The following WASHC2C variants were observed in gnomAD, a reference collection of about 807,000 sequenced individuals.
WASHC2C encodes Vaccinia Penetration Factor.
A neutral mutation model predicts 142.2 loss-of-function variants in WASHC2C; 73 were observed. The ratio of observed to expected loss-of-function variants is 0.51; its 90% CI spans 0.43 to 0.62. The LOEUF is 0.62. Among genes scored for constraint, WASHC2C ranks in the 20% least tolerant of loss-of-function variants. WASHC2C has a pLI of 0.00. For synonymous variants in WASHC2C, 337 were observed against 565.5 expected, an observed-to-expected ratio of 0.60 and a Z score of 5.73; for missense variants, 969 against 1,531.7, an observed-to-expected ratio of 0.63 and a Z score of 6.13.
rs1237390796 is a variant in WASHC2C, at chr10:45,759,383, A to G, written c.1617A>G (p.Ser539=). 21 of 1,495,572 alleles carry G rather than the reference A, an allele frequency of 1.4e-5. 1 individual carries two copies. The highest frequency in any genetic ancestry group is 1.9e-5 in the Non-Finnish European group (21 of 1,117,950). 92.6% of individuals were successfully genotyped at this position (1,495,572 alleles called of 1,614,324 possible). A position where few individuals can be genotyped will look rare whatever the true frequency, so the allele number is the denominator to read the frequency against. The change falls in exon 17 of 31, where the codon TCA becomes TCG. Residue 539 remains serine (S), a synonymous_variant. Transcript: ENST00000623400. ...CAAAGACTCAAAAAGGCTTATTTTC[A>G]GATGAGGAGGACTCTGAGGTATGGA... The part of the protein sequence containing the change: ...SETKTQKGLF[S]DEEDSEDLFS...
chr10:45,746,601 A>C lies in WASHC2C; in HGVS notation c.686A>C (p.Glu229Ala). The C allele has an allele frequency of 6.2e-6, 10 of 1,613,524 alleles. No individual in the cohort carries two copies. Among genetic ancestry groups the C allele is most frequent in the Non-Finnish European group, 7.6e-6 (9 of 1,179,610 alleles). The change falls in exon 8 of 31, where the codon GAG becomes GCG. Residue 229 changes from glutamate to alanine, a missense_variant and splice_region_variant. By Grantham distance (107) the Glu-to-Ala change is moderately radical. Transcript: ENST00000623400. The part of the protein sequence containing the change: ...VDTEEEKEEE[E>A]SDEDFAHHSD... ...CAAAGCCTTTTCTTACCCATAAAGG[A>C]GTCAGATGAAGATTTTGCCCATCAC...
intron 7 of WASHC2C, 35 bp from the exon 8 acceptor site, chr10:45,746,565 C>A: frequency 6.2e-7 from 1 of 1,610,288 alleles, no homozygotes; most frequent in Non-Finnish European, 8.5e-7. Flanking sequence ...TAAGTAAAGC[C>A]CATTTAACAA....
intron 11 of WASHC2C, 133 bp downstream of exon 11, chr10:45,751,686 A>T (rs1354016868): frequency 1.3e-6 from 2 of 1,510,096 alleles, no homozygotes; most frequent in African/African-American, 2.8e-5. Context: ...TTACTTTTCT[A>T]AAGCCTCTGG....
chr10:45,753,898 G>A (rs528010774), intron 13 of WASHC2C, among the ~76,000 whole-genome samples: 9 of 151,484 alleles, frequency 5.9e-5, no homozygotes, highest in African/African-American at 2.2e-4. Flanking sequence ...TGGGACTTGG[G>A]AATTAGTGAT....
intron 23 of WASHC2C, among the ~76,000 whole-genome samples, chr10:45,784,267 T>C (rs1468916498): frequency 3.4e-3 from 19 of 5,654 alleles, no homozygotes; most frequent in South Asian, 0.019. Context: ...TATATATATA[T>C]ATATATATAT....
At chr10:45,774,766 G>A (rs1338306228) in intron 21 of WASHC2C, among the ~76,000 whole-genome samples, 6 of 96,100 alleles carry the variant, frequency 6.2e-5, no homozygotes, top group Non-Finnish European at 1.1e-4. Flanking sequence ...CTGAGAATGC[G>A]TCCCAGAGTG....
chr10:45,740,051 C>A, intron 4 of WASHC2C, 22 bp from the exon 5 acceptor site: 1 of 538,348 alleles, frequency 1.9e-6, no homozygotes. Flanking sequence ...GAGACCCATA[C>A]TGCATGGTAT....
chr10:45,728,187 ATTTG>A (rs1257354408), intron 2 of WASHC2C, among the ~76,000 whole-genome samples: 3 of 151,976 alleles, frequency 2.0e-5, no homozygotes, highest in South Asian at 4.2e-4. Context: ...CACCTGTCTG[ATTTG>A]TTTATTTATT....
At chr10:45,752,727 A>G (rs782212537) in intron 12 of WASHC2C, 21 bp downstream of exon 12, 6 of 1,604,720 alleles carry the variant, frequency 3.7e-6, no homozygotes, top group Non-Finnish European at 4.3e-6. Flanking sequence ...GGCACCCAGC[A>G]ACACTCCCTG....
chr10:45,739,599 A>G (rs1554866475), intron 4 of WASHC2C, among the ~76,000 whole-genome samples: 1 of 150,358 alleles, frequency 6.7e-6, no homozygotes, highest in Non-Finnish European at 1.5e-5. Context: ...AATAATTGTA[A>G]TTGTCCAGTT....
chr10:45,784,613 G>A lies in WASHC2C; in HGVS notation c.2527G>A (p.Glu843Lys), dbSNP rs782736580. 6.2e-7 allele frequency: 1 copy of A among 1,610,626 alleles called. No homozygotes were observed. The highest frequency in any genetic ancestry group is 2.2e-5 in the East Asian group (1 of 44,832). Residue 843 changes from glutamate to lysine, a missense_variant, in exon 24 of 31, where the codon GAA (glutamate) becomes AAA (lysine). Transcript: ENST00000623400. ...HPKSTGVFQD[E>K]ELLFSHKLQK... ...CAAGAGCACAGGTGTCTTCCAGGAT[G>A]AAGAGCTGCTTTTCAGCCACAAGCT...
At chr10:45,786,804 G>T (rs537203835) in intron 27 of WASHC2C, 130 bp downstream of exon 27, 1 of 1,559,058 alleles carries the variant, frequency 6.4e-7, no homozygotes, top group Admixed American at 1.7e-5. Flanking sequence ...CCTGCACCTA[G>T]TTGTTGTCTC....
Position 45,787,248 on chromosome 10 carries a change from G to A in WASHC2C, c.3087+1G>A, listed in dbSNP as rs202047674. ...AGACACCTTACACAGTGCAAACAAGGTGATGAAACCATCTTTGCTTCCTTG... is the reference window on the plus strand; with the variant it reads ...AGACACCTTACACAGTGCAAACAAGATGATGAAACCATCTTTGCTTCCTTG... On this transcript the variant is annotated splice_donor_variant, in intron 28 of 30. Transcript: ENST00000623400. LOFTEE classifies it high-confidence loss of function. The A allele has an allele frequency of 1.3e-3, 1,807 of 1,401,116 alleles. 25 individuals carry two copies. Among genetic ancestry groups the A allele is most frequent in the Non-Finnish European group, 2.7e-4 (271 of 1,015,528 alleles). The allele number at this position is 1,401,116 out of a possible 1,614,324, so 86.8% of individuals were successfully genotyped here.
In WASHC2C at chr10:45,789,494, A is replaced by G. The variant is rs2058267213; in HGVS notation, c.3708+3A>G. Reference sequence around the variant, plus strand: ...TAACAACACAAGATATTTTTGAGGTAATAGGACTTAACACGTTTTTGTGTC... The same window carrying G: ...TAACAACACAAGATATTTTTGAGGTGATAGGACTTAACACGTTTTTGTGTC... On this transcript the variant is annotated splice_donor_region_variant and intron_variant, in intron 29 of 30. Coordinates refer to ENST00000623400, the MANE Select transcript of WASHC2C (RefSeq NM_001330074.2). The G allele has an allele frequency of 6.2e-7, 1 of 1,611,950 alleles. No homozygotes were observed. The highest frequency in any genetic ancestry group is 8.5e-7 in the Non-Finnish European group (1 of 1,179,864).
chr10:45,772,497 C>G (rs1247963261), intron 20 of WASHC2C, among the ~76,000 whole-genome samples: 2 of 151,918 alleles, frequency 1.3e-5, no homozygotes, highest in Admixed American at 1.3e-4. Flanking sequence ...GGAAGGATCT[C>G]TTGAGGCCAG....
intron 25 of WASHC2C, 121 bp downstream of exon 25, chr10:45,785,022 A>G (rs2057925540): frequency 1.9e-6 from 3 of 1,604,120 alleles, no homozygotes; most frequent in Non-Finnish European, 2.6e-6. Flanking sequence ...TGCTAAATGA[A>G]TGGCAAATAA....
intron 16 of WASHC2C, among the ~76,000 whole-genome samples, chr10:45,757,422 G>C (rs1474439403): frequency 6.7e-6 from 1 of 149,106 alleles, no homozygotes; most frequent in Non-Finnish European, 1.5e-5. Flanking sequence ...GCATGGAACT[G>C]TTTCCATGTA....
Position 45,765,865 on chromosome 10 carries a change from T to G in WASHC2C, c.1869+55T>G. ...GGATTATTTCATGGGATTTAAGAGT[T>G]AAAGCCATCCCAAGTCTTTTTCTAC... On this transcript the variant is annotated intron_variant, in intron 19 of 30. Transcript: ENST00000623400. 10 of 1,605,220 alleles carry G rather than the reference T, an allele frequency of 6.2e-6. No individual in the cohort carries two copies. The South Asian group carries it at 1.1e-4, about 18-fold the overall frequency.
intron 11 of WASHC2C, among the ~76,000 whole-genome samples, 177 bp downstream of exon 11, chr10:45,751,730 C>A (rs1361479697): frequency 1.3e-5 from 2 of 152,202 alleles, no homozygotes. Context: ...GTAATCCCAG[C>A]GCTTTGGGAG....
Sources: gnomAD v4.1 joint callset for allele counts (sites outside exome capture counted in the v4.1 genomes callset) on GRCh38, gnomAD v4.1.1 for gene constraint, MANE v1.5 for transcripts, NCBI Gene and HGNC (gene_info 2026-07-23, HGNC 2026-07-21) for gene names.